FCRL3: variants seen among roughly 807,000 people sequenced by gnomAD.
FCRL3 encodes Fc receptor like 3.
A neutral mutation model predicts 75.0 loss-of-function variants in FCRL3; 89 were observed. That is an observed-to-expected ratio of 1.19 (90% CI 1.00 to 1.42). FCRL3 has a LOEUF of 1.42. FCRL3 is among the 40% of genes most tolerant of loss of function. The probability of loss-of-function intolerance (pLI) is 0.00; values close to 1 mark genes in which losing one functional copy is unlikely to be tolerated. For missense variants in FCRL3, 946 were observed against 880.0 expected, an observed-to-expected ratio of 1.07 and a Z score of -0.95; for synonymous variants, 376 against 348.5, an observed-to-expected ratio of 1.08 and a Z score of -0.88.
intron 13 of FCRL3, among the ~76,000 whole-genome samples, chr1:157,679,586 T>C (rs553046725): frequency 8.5e-5 from 13 of 152,120 alleles, no homozygotes; most frequent in Middle Eastern, 3.4e-3. Context: ...AAGCAATGCC[T>C]TCTATTAGGC....
In FCRL3 at chr1:157,678,381, A is replaced by G; in HGVS notation, c.*329T>C. On this transcript the variant is annotated 3_prime_UTR_variant, in exon 15 of 15. Coordinates refer to ENST00000368184, the MANE Select transcript of FCRL3 (RefSeq NM_052939.4). ...CAGCTTTCGATCACACTTGGATCAA[A>G]TGGTCATGATTGTGCCCTTGTAACC... 8.7e-7 allele frequency: 1 copy of G among 1,145,466 alleles called. No individual in the cohort carries two copies. The allele number at this position is 1,145,466 out of a possible 1,614,324, so 71.0% of individuals were successfully genotyped here.
At position 157,683,230 on chromosome 1, in the gene FCRL3, T is replaced by G; in HGVS notation, c.1825A>C (p.Thr609Pro). The G allele has an allele frequency of 6.2e-7, 1 of 1,613,630 alleles. No individual in the cohort carries two copies. The highest frequency in any genetic ancestry group is 8.5e-7 in the Non-Finnish European group (1 of 1,179,770). The change falls in exon 11 of 15, where the codon ACT becomes CCT. Residue 609 changes from threonine (T) to proline (P), a missense_variant. By Grantham distance (38) the Thr-to-Pro change is conservative (BLOSUM62 -1). Coordinates refer to ENST00000368184, the MANE Select transcript of FCRL3 (RefSeq NM_052939.4). ...CAGAGACCTCACCTAGATGTTCCAG[T>G]GGCAGAAAGTCCTCCTGCAAAACAA... ...ARRKPGGLSA[T>P]GTSSHSPSEC...
In FCRL3 at chr1:157,676,849, G is replaced by A; in HGVS notation, c.*1861C>T. The A allele has an allele frequency of 1.3e-6, 2 of 1,539,798 alleles. No homozygotes were observed. Among genetic ancestry groups the A allele is most frequent in the South Asian group, 2.4e-5 (2 of 83,044 alleles). ...TATAAGGCACAAAGGGGCTTGGCAA[G>A]GTAATTCCAAATCAGCAGCAGGGTT... On this transcript the variant is annotated 3_prime_UTR_variant, in exon 15 of 15. Coordinates refer to ENST00000368184, the MANE Select transcript of FCRL3 (RefSeq NM_052939.4).
Position 157,681,087 on chromosome 1 carries a change from AC to A in FCRL3, c.1850del (p.Ser617MetfsTer14). Reference sequence around the variant, plus strand: ...TGGACGAGGAAGGCTCCTGACACTCACTAGGACTGTGACTGTGACAGAGGGG... The same window carrying A: ...TGGACGAGGAAGGCTCCTGACACTCATAGGACTGTGACTGTGACAGAGGGG... Reference protein sequence around the residue: ...SATGTSSHSPSECQEPSSSRP... With the variant: ...SATGTSSHSPXECQEPSSSRP... On this transcript the variant is annotated frameshift_variant, in exon 12 of 15. Transcript: ENST00000368184. LOFTEE classifies it high-confidence loss of function. 1 of 1,579,118 alleles carries A rather than the reference AC, an allele frequency of 6.3e-7. No homozygotes were observed. The highest frequency in any genetic ancestry group is 1.2e-5 in the South Asian group (1 of 84,006).
chr1:157,688,561 AG>A (rs1333148884), intron 10 of FCRL3, among the ~76,000 whole-genome samples: 2 of 151,916 alleles, frequency 1.3e-5, no homozygotes, highest in African/African-American at 4.8e-5. Flanking sequence ...AGAGGAATTG[AG>A]AAACATTATC....
intron 8 of FCRL3, among the ~76,000 whole-genome samples, chr1:157,692,838 A>G (rs996153944): frequency 3.9e-5 from 6 of 152,220 alleles, no homozygotes; most frequent in Non-Finnish European, 7.3e-5. Context: ...TTTGGAAAAT[A>G]GTTGTTTAAA....
chr1:157,690,999 C>CTATGTATGTATGTATGTATGTATG (rs57070872), intron 8 of FCRL3, among the ~76,000 whole-genome samples: 1 of 148,882 alleles, frequency 6.7e-6, no homozygotes, highest in Non-Finnish European at 1.5e-5. Flanking sequence ...TGACATCTGT[C>CTATGTATGTATGTATGTATGTATG]TATGTATGTA....
At chr1:157,682,633 T>G (rs913615464) in intron 11 of FCRL3, among the ~76,000 whole-genome samples, 16 of 152,244 alleles carry the variant, frequency 1.1e-4, no homozygotes, top group Non-Finnish European at 2.2e-4. Context: ...ATTTTAAATG[T>G]TATTTTTGAA....
rs1190161579 is a variant in FCRL3 at position 157,682,270 on chromosome 1, G to T, written c.1838+947C>A. ...TAATTAGATCCCATTTGTCAATTTT[G>T]GCTTTTGTTGCCATTGCTTTTGGTG... On this transcript the variant is annotated intron_variant, in intron 11 of 14. Coordinates refer to ENST00000368184, the MANE Select transcript of FCRL3 (RefSeq NM_052939.4). Among the ~76,000 whole-genome samples the T allele has an allele frequency of 5.3e-5, 8 of 152,108 alleles. 1 individual carries two copies. Among genetic ancestry groups the T allele is most frequent in the African/African-American group, 1.7e-4 (7 of 41,490 alleles).
chr1:157,680,970 G>A lies in FCRL3; in HGVS notation c.1957+11C>T. ...CTCCCTAGAGCCTTCTGCCCCCTAG[G>A]GAGTCCTCACCATTGCTGTACATTG... On this transcript the variant is annotated intron_variant, in intron 12 of 14. Transcript: ENST00000368184. 4 of 1,570,030 alleles carry A rather than the reference G, an allele frequency of 2.5e-6. No individual in the cohort carries two copies. The highest frequency in any genetic ancestry group is 3.4e-6 in the Non-Finnish European group (4 of 1,161,690).
chr1:157,679,311 C>A (rs1376799034), intron 13 of FCRL3: 3 of 349,436 alleles, frequency 8.6e-6, no homozygotes, highest in Non-Finnish European at 1.6e-5. Context: ...CTCATTATAA[C>A]CCCAGAGGGG....
intron 10 of FCRL3, among the ~76,000 whole-genome samples, chr1:157,686,821 CA>C (rs1655205237): frequency 6.6e-6 from 1 of 151,942 alleles, no homozygotes; most frequent in Admixed American, 6.6e-5. Flanking sequence ...TGTAGGACTC[CA>C]AACTATAAAA....
rs576328886 is a variant in FCRL3 at position 157,695,480 on chromosome 1, C to T, written c.1260G>A (p.Glu420=). ...SPPILYRFYH[E]DVTLGNSSAP... ...CTGAGCTGTTCCCCAGGGTGACATC[C>T]TCATGATAAAATCGGTACAGGATCG... Residue 420 remains glutamate (E), a synonymous_variant, in exon 8 of 15, where the codon GAG becomes GAA. Transcript: ENST00000368184. 9 of 1,614,196 alleles carry T rather than the reference C, an allele frequency of 5.6e-6. No individual in the cohort carries two copies. Among genetic ancestry groups the T allele is most frequent in the Middle Eastern group, 1.6e-4 (1 of 6,062 alleles).
intron 4 of FCRL3, 34 bp from the exon 5 acceptor site, chr1:157,697,953 C>T (rs1656062329): frequency 2.5e-6 from 4 of 1,601,680 alleles, no homozygotes; most frequent in East Asian, 2.2e-5. Context: ...TCAGGTTATC[C>T]CCTGCTGTTT....
rs1465937705 is a variant in FCRL3 at position 157,677,831 on chromosome 1, G to A, written c.*879C>T. 1 of 545,246 alleles carries A rather than the reference G, an allele frequency of 1.8e-6. No homozygotes were observed. The highest frequency in any genetic ancestry group is 2.3e-6 in the Non-Finnish European group (1 of 428,454). The allele number at this position is 545,246 out of a possible 1,614,324, so 33.8% of individuals were successfully genotyped here. A position where few individuals can be genotyped will look rare whatever the true frequency, so the allele number is the denominator to read the frequency against. ...TAGATACATTAATATGATAGAAATA[G>A]GAGAGCATGGGAATAATGAACATGA... On this transcript the variant is annotated 3_prime_UTR_variant, in exon 15 of 15. Transcript: ENST00000368184.
In FCRL3 at chr1:157,678,637, A is replaced by C; in HGVS notation, c.*73T>G. ...TAGGAGGCAGAGTCTGGAGAGATGG[A>C]TGATGTGTGGTTGGAGAGAACAGAA... On this transcript the variant is annotated 3_prime_UTR_variant, in exon 15 of 15. Coordinates refer to ENST00000368184, the MANE Select transcript of FCRL3 (RefSeq NM_052939.4). 1.3e-6 allele frequency: 2 copies of C among 1,592,028 alleles called. No individual in the cohort carries two copies. The highest frequency in any genetic ancestry group is 2.3e-5 in the South Asian group (2 of 88,398).
intron 4 of FCRL3, 132 bp from the exon 5 acceptor site, chr1:157,698,051 C>T (rs1324157050): frequency 3.0e-6 from 3 of 1,000,444 alleles, no homozygotes; most frequent in East Asian, 5.2e-5. Flanking sequence ...TGCCATGTGG[C>T]CCCAAATACC....
At position 157,700,746 on chromosome 1, in the gene FCRL3, C is replaced by T. The variant is rs1656264867; in HGVS notation, c.-181G>A. 1 of 1,392,628 alleles carries T rather than the reference C, an allele frequency of 7.2e-7. No homozygotes were observed. The highest frequency in any genetic ancestry group is 2.9e-5 in the Admixed American group (1 of 33,974). 86.3% of individuals were successfully genotyped at this position (1,392,628 alleles called of 1,614,324 possible). On this transcript the variant is annotated 5_prime_UTR_variant, in exon 1 of 15. Coordinates refer to ENST00000368184, the MANE Select transcript of FCRL3 (RefSeq NM_052939.4). ...TCATCTTCCATCAGCTGCAGTCTCTCAGGAGTAATGTCTCCAAGACTGTGC... is the reference window on the plus strand; with the variant it reads ...TCATCTTCCATCAGCTGCAGTCTCTTAGGAGTAATGTCTCCAAGACTGTGC...
In FCRL3 at chr1:157,679,295, C is replaced by T. The variant is rs111877099; in HGVS notation, c.2027-322G>A. On this transcript the variant is annotated intron_variant, in intron 13 of 14. Transcript: ENST00000368184. The stretch of plus-strand genomic sequence containing the variant: ...TTTTCATGACAATTTCCTTCTTGCT[C>T]CTCTGCTCATTATAACCCCAGAGGG... 2.5e-3 allele frequency: 1,019 copies of T among 401,984 alleles called. 6 individuals are homozygous for T. Among genetic ancestry groups the T allele is most frequent in the African/African-American group, 0.019 (942 of 49,104 alleles). 24.9% of individuals were successfully genotyped at this position (401,984 alleles called of 1,614,324 possible).
Sources: allele counts gnomAD v4.1 joint callset (sites outside exome capture counted in the v4.1 genomes callset), GRCh38; gene constraint gnomAD v4.1.1; transcripts MANE v1.5; gene names NCBI Gene and HGNC (gene_info 2026-07-23, HGNC 2026-07-21).